The following ALG5 variants were observed in gnomAD, a reference collection of about 807,000 sequenced individuals.
The protein encoded by ALG5 is ALG5 dolichyl-phosphate beta-glucosyltransferase, also known as dolichyl-phosphate beta-glucosyltransferase.
A neutral mutation model predicts 51.8 loss-of-function variants in ALG5; 26 were observed. The observed-to-expected ratio is 0.50, with a 90% CI of 0.37 to 0.70. The LOEUF (loss-of-function observed/expected upper bound fraction) is 0.70, where lower values mean the gene tolerates loss of function less well. ALG5 is among the 30% of genes least tolerant of loss of function. The pLI is 0.00. For missense variants in ALG5, 311 were observed against 399.3 expected (o/e 0.78, Z 1.88); for synonymous variants, 141 against 136.1 (o/e 1.04, Z -0.25).
chr13:36,951,264 T>C (rs1278455753), intron 9 of ALG5, among the ~76,000 whole-genome samples: 1 of 152,222 alleles, frequency 6.6e-6, no homozygotes, highest in Non-Finnish European at 1.5e-5. Flanking sequence ...ATCAACAAAG[T>C]TGATCATGAT....
In ALG5 at chr13:36,952,569, T is replaced by G; in HGVS notation, c.804A>C (p.Ala268=). The G allele has an allele frequency of 6.3e-7, 1 of 1,596,920 alleles. No homozygotes were observed. The highest frequency in any genetic ancestry group is 8.5e-7 in the Non-Finnish European group (1 of 1,173,870). Residue 268 remains alanine, a synonymous_variant, in exon 9 of 10, where the codon GCA becomes GCC. Coordinates refer to ENST00000239891, the MANE Select transcript of ALG5 (RefSeq NM_013338.5). Reference sequence around the variant, plus strand: ...CTGCTATTGGAATTTTAAAGAACTGTGCTATGTACAGTAGTTCTACATCAA... The same window carrying G: ...CTGCTATTGGAATTTTAAAGAACTGGGCTATGTACAGTAGTTCTACATCAA... ...WAFDVELLYI[A]QFFKIPIAEI... is the part of the protein sequence containing the mutation.
intron 6 of ALG5, among the ~76,000 whole-genome samples, chr13:36,972,562 G>A (rs555282053): frequency 2.7e-3 from 412 of 152,090 alleles, no homozygotes; most frequent in Non-Finnish European, 4.7e-3. Context: ...TAGAAATAAA[G>A]TTTATAAGAA....
At chr13:36,988,063 G>A (rs1222916480) in intron 5 of ALG5, among the ~76,000 whole-genome samples, 2 of 152,052 alleles carry the variant, frequency 1.3e-5, no homozygotes, top group Non-Finnish European at 2.9e-5. Flanking sequence ...TAGGCTCCCT[G>A]CCCTCCCAAC....
chr13:36,995,060 A>T (rs991996143), intron 2 of ALG5, 25 bp from the exon 3 acceptor site: 1 of 1,606,870 alleles, frequency 6.2e-7, no homozygotes, highest in Non-Finnish European at 8.5e-7. Flanking sequence ...TATATTAAAA[A>T]TCACTTTTGA....
chr13:36,957,897 C>T (rs1480316197), intron 8 of ALG5, among the ~76,000 whole-genome samples: 2 of 152,056 alleles, frequency 1.3e-5, no homozygotes, highest in African/African-American at 4.8e-5. Context: ...ATTCCGCATC[C>T]CTAGATACAT....
chr13:36,981,019 A>C (rs545145436), intron 6 of ALG5, among the ~76,000 whole-genome samples: 38 of 152,270 alleles, frequency 2.5e-4, no homozygotes, highest in African/African-American at 9.1e-4. Context: ...GAAAATGTAA[A>C]TGCCCTATTT....
rs542829070 is a variant in ALG5, at chr13:36,957,562, ATGAAC to A, written c.774-4968_774-4964del. On this transcript the variant is annotated intron_variant, in intron 8 of 9. Transcript: ENST00000239891. ...ACAATCCTCAGGAAGAGTCGAGAAA[ATGAAC>A]GAAACACTCAAATGACATCTAAAAA... is the stretch of plus-strand genomic sequence containing the variant. Among the ~76,000 whole-genome samples, 99 of 151,550 alleles carry A rather than the reference ATGAAC, an allele frequency of 6.5e-4. 1 individual carries two copies. Among genetic ancestry groups the A allele is most frequent in the South Asian group, 3.9e-3 (19 of 4,826 alleles).
intron 5 of ALG5, among the ~76,000 whole-genome samples, 158 bp downstream of exon 5, chr13:36,989,326 C>T (rs1018043499): frequency 4.6e-5 from 7 of 152,108 alleles, no homozygotes; most frequent in Non-Finnish European, 7.3e-5. Flanking sequence ...TATGACACAT[C>T]TTAAAATTTG....
intron 4 of ALG5, 136 bp downstream of exon 4, chr13:36,993,468 T>G (rs775664694): frequency 1.0e-5 from 7 of 694,638 alleles, no homozygotes; most frequent in Non-Finnish European, 1.7e-5. Context: ...CTGTTTTTTC[T>G]GCTATCTAGA....
intron 6 of ALG5, 101 bp downstream of exon 6, chr13:36,985,526 A>G: frequency 1.2e-6 from 1 of 833,748 alleles, no homozygotes; most frequent in Non-Finnish European, 1.9e-6. Context: ...CATACCAAAA[A>G]CACTCAGTTT....
At chr13:36,995,866 A>G (rs542408055) in intron 1 of ALG5, among the ~76,000 whole-genome samples, 4 of 152,280 alleles carry the variant, frequency 2.6e-5, no homozygotes, top group East Asian at 3.9e-4. Flanking sequence ...CCAGGCCTCC[A>G]CCATCCCAGC....
intron 8 of ALG5, among the ~76,000 whole-genome samples, chr13:36,959,871 T>C (rs1462216314): frequency 6.6e-6 from 1 of 151,642 alleles, no homozygotes; most frequent in African/African-American, 2.4e-5. Context: ...GAAATGGAGA[T>C]AGAGGATGGA....
At chr13:36,961,141 T>G (rs527506559) in intron 8 of ALG5, among the ~76,000 whole-genome samples, 1 of 151,062 alleles carries the variant, frequency 6.6e-6, no homozygotes. Context: ...ACAAGCAGAG[T>G]GCGGTGGCTC....
At position 36,999,275 on chromosome 13, in the gene ALG5, G is replaced by A. The variant is rs755340077; in HGVS notation, c.26C>T (p.Ala9Val). 6 of 1,579,876 alleles carry A rather than the reference G, an allele frequency of 3.8e-6. No individual in the cohort carries two copies. Among genetic ancestry groups the A allele is most frequent in the Admixed American group, 1.8e-5 (1 of 55,086 alleles). Residue 9 changes from alanine to valine, a missense_variant, in exon 1 of 10, where the codon GCG (alanine) becomes GTG (valine). Transcript: ENST00000239891. ...GGCCGCCAGCGCCGCGCCGAGCACC[G>A]CCAGCTGCAACAGAAGCGGAGCCAT... MAPLLLQL[A>V]VLGAALAAAA...
intron 8 of ALG5, among the ~76,000 whole-genome samples, chr13:36,958,653 TGA>T (rs1186979914): frequency 6.6e-6 from 1 of 152,140 alleles, no homozygotes; most frequent in Non-Finnish European, 1.5e-5. Context: ...GAGTGGGAAC[TGA>T]GAGACAGGAC....
rs57878611 is a variant in ALG5 at position 36,997,466 on chromosome 13, C to CA, written c.66+1768dup. On this transcript the variant is annotated intron_variant, in intron 1 of 9. Coordinates refer to ENST00000239891, the MANE Select transcript of ALG5 (RefSeq NM_013338.5). ...GGGTGACAAGAGCCAGACTCCGTCT[C>CA]AAAAAAAAAAAAAAAAAAAAAAGAC... is the stretch of plus-strand genomic sequence containing the variant. Among the ~76,000 whole-genome samples the CA allele has an allele frequency of 2.1e-3, 163 of 78,070 alleles. 1 individual carries two copies. The highest frequency in any genetic ancestry group is 3.3e-3 in the African/African-American group (67 of 20,374). The allele number at this position is 78,070 out of a possible 152,430, so 51.2% of individuals were successfully genotyped here.
intron 6 of ALG5, among the ~76,000 whole-genome samples, chr13:36,979,639 G>A (rs2058970338): frequency 6.6e-6 from 1 of 152,160 alleles, no homozygotes; most frequent in Non-Finnish European, 1.5e-5. Flanking sequence ...GTTAAGATCT[G>A]CTTCCTATGG....
intron 2 of ALG5, 92 bp downstream of exon 2, chr13:36,995,333 A>C: frequency 2.3e-6 from 3 of 1,318,810 alleles, no homozygotes; most frequent in Middle Eastern, 1.9e-4. Context: ...CACATCTATT[A>C]ATGTTTTGGC....
upstream of ALG5, chr13:36,999,362 C>T: frequency 7.1e-7 from 1 of 1,408,296 alleles, no homozygotes; most frequent in South Asian, 1.6e-5. Flanking sequence ...CGCGCCCGCG[C>T]GACCCGGCCC....
Sources: gnomAD v4.1 joint callset for allele counts (sites outside exome capture counted in the v4.1 genomes callset) on GRCh38, gnomAD v4.1.1 for gene constraint, MANE v1.5 for transcripts, NCBI Gene and HGNC (gene_info 2026-07-23, HGNC 2026-07-21) for gene names.